The following ZNF121 variants were observed in gnomAD, a reference collection of about 807,000 sequenced individuals.
ZNF121 encodes the protein zinc finger protein 121 (clone ZHC32).
ZNF121 carries 1 observed loss-of-function variant against 2.4 expected under a neutral mutation model. That is an observed-to-expected ratio of 0.41 (90% CI 0.15 to 1.94). The LOEUF (loss-of-function observed/expected upper bound fraction) is 1.94, where lower values mean the gene tolerates loss of function less well. Among genes scored for constraint, ZNF121 ranks in the 30% most tolerant of loss-of-function variants. ZNF121 has a pLI of 0.30. For synonymous variants in ZNF121, 173 were observed against 158.6 expected (o/e 1.09, Z -0.68); for missense variants, 369 against 466.3 (o/e 0.79, Z 1.92).
intron 1 of ZNF121, among the ~76,000 whole-genome samples, chr19:9,580,556 A>C (rs1351898737): frequency 1.3e-5 from 2 of 152,026 alleles, no homozygotes; most frequent in African/African-American, 4.8e-5. Flanking sequence ...TAGAGCTACC[A>C]CCCGTAAACC....
rs2074130932 is a variant in ZNF121, at chr19:9,566,248, A to C, written c.865T>G (p.Cys289Gly). Residue 289 changes from cysteine to glycine, a missense_variant, in exon 4 of 4, where the codon TGT becomes GGT. By Grantham distance (159) the Cys-to-Gly change is radical (BLOSUM62 -3). This residue lies in a region of ZNF121 where 127 missense variants were observed against 169.9 expected (regional missense o/e 0.75). Coordinates refer to ENST00000320451, the MANE Select transcript of ZNF121 (RefSeq NM_001008727.5). ...TGIKPYKCKE[C>G]GKAFTVSSSL... Reference sequence around the variant, plus strand: ...GAGGAAACAGTGAATGCTTTCCCACACTCCTTACATTTATAGGGTTTTATT... The same window carrying C: ...GAGGAAACAGTGAATGCTTTCCCACCCTCCTTACATTTATAGGGTTTTATT... 2 of 1,614,064 alleles carry C rather than the reference A, an allele frequency of 1.2e-6. No individual in the cohort carries two copies. Among genetic ancestry groups the C allele is most frequent in the Non-Finnish European group, 1.7e-6 (2 of 1,180,000 alleles).
At position 9,566,306 on chromosome 19, in the gene ZNF121, T is replaced by A; in HGVS notation, c.807A>T (p.Ser269=). The A allele has an allele frequency of 6.2e-7, 1 of 1,613,998 alleles. No homozygotes were observed. The highest frequency in any genetic ancestry group is 1.1e-5 in the South Asian group (1 of 91,034). ...KVCGKSFRSS[S]CLKNHFRIHT... ...GAATTCTAAAGTGATTCTTAAGGCA[T>A]GAAGAGCTTCTGAAGGATTTTCCAC... Residue 269 remains serine (S), a synonymous_variant, in exon 4 of 4, where the codon TCA becomes TCT. Coordinates refer to ENST00000320451, the MANE Select transcript of ZNF121 (RefSeq NM_001008727.5).
At chr19:9,574,544 A>C (rs1354155635) in intron 1 of ZNF121, among the ~76,000 whole-genome samples, 2 of 152,210 alleles carry the variant, frequency 1.3e-5, no homozygotes, top group African/African-American at 4.8e-5. Flanking sequence ...AGACAGGTTC[A>C]TTTATAACCT....
At chr19:9,575,415 T>A (rs553555314) in intron 1 of ZNF121, among the ~76,000 whole-genome samples, 118 of 151,122 alleles carry the variant, frequency 7.8e-4, no homozygotes, top group African/African-American at 2.7e-3. Context: ...AGAGCAAGAT[T>A]TCATTTCAAA....
intron 1 of ZNF121, among the ~76,000 whole-genome samples, chr19:9,573,851 T>A (rs2074190981): frequency 6.6e-6 from 1 of 152,078 alleles, no homozygotes; most frequent in Non-Finnish European, 1.5e-5. Context: ...GGATGACATT[T>A]TCTTTCTTTT....
rs1262603665 is a variant in ZNF121, at chr19:9,562,065, C to T, written c.*3875G>A. The stretch of plus-strand genomic sequence containing the variant: ...GAATAAATCTATAACACCATTTTTT[C>T]CAACAGCATGTGCTTACTTTGTCTC... On this transcript the variant is annotated 3_prime_UTR_variant, in exon 4 of 4. Transcript: ENST00000320451. The T allele has an allele frequency of 6.6e-6, 1 of 151,950 alleles. No individual in the cohort carries two copies. Among genetic ancestry groups the T allele is most frequent in the Non-Finnish European group, 1.5e-5 (1 of 68,008 alleles). 9.4% of individuals were successfully genotyped at this position (151,950 alleles called of 1,614,324 possible).
chr19:9,580,894 G>A (rs764019903), intron 1 of ZNF121, among the ~76,000 whole-genome samples: 5 of 152,164 alleles, frequency 3.3e-5, no homozygotes, highest in Non-Finnish European at 4.4e-5. Context: ...ACTACCATGC[G>A]ATAGAGAATG....
chr19:9,576,275 C>T (rs918132836), intron 1 of ZNF121, among the ~76,000 whole-genome samples: 1 of 151,764 alleles, frequency 6.6e-6, no homozygotes, highest in Admixed American at 6.6e-5. Context: ...GGGGAGACTG[C>T]TTGCACCCAG....
At chr19:9,568,457 C>A (rs1007757296) in intron 2 of ZNF121, among the ~76,000 whole-genome samples, 1 of 151,788 alleles carries the variant, frequency 6.6e-6, no homozygotes, top group Middle Eastern at 3.2e-3. Flanking sequence ...CTCACTGCAA[C>A]CTCCACCTCC....
rs943686476 is a variant in ZNF121 at position 9,563,899 on chromosome 19, T to C, written c.*2041A>G. The C allele has an allele frequency of 6.6e-6, 1 of 152,358 alleles. No individual in the cohort carries two copies. The highest frequency in any genetic ancestry group is 6.5e-5 in the Admixed American group (1 of 15,298). The allele number at this position is 152,358 out of a possible 1,614,324, so 9.4% of individuals were successfully genotyped here. A position where few individuals can be genotyped will look rare whatever the true frequency, so the allele number is the denominator to read the frequency against. Reference sequence around the variant, plus strand: ...GGTTTACTGAATATTTTAAGCCCACTGTAAAACATACTGTTCAGAGATTCC... The same window carrying C: ...GGTTTACTGAATATTTTAAGCCCACCGTAAAACATACTGTTCAGAGATTCC... On this transcript the variant is annotated 3_prime_UTR_variant, in exon 4 of 4. Transcript: ENST00000320451.
chr19:9,582,887 A>G (rs527794584), intron 1 of ZNF121, among the ~76,000 whole-genome samples: 15 of 59,904 alleles, frequency 2.5e-4, no homozygotes, highest in Admixed American at 8.4e-4. Context: ...ATACTACTTT[A>G]TTACACTAAT....
Position 9,567,823 on chromosome 19 carries a change from T to C in ZNF121, c.3+272A>G. 6.1e-6 allele frequency: 2 copies of C among 328,228 alleles called. 1 individual carries two copies. The highest frequency in any genetic ancestry group is 9.8e-5 in the South Asian group (2 of 20,348). The allele number at this position is 328,228 out of a possible 1,614,324, so 20.3% of individuals were successfully genotyped here. A position where few individuals can be genotyped will look rare whatever the true frequency, so the allele number is the denominator to read the frequency against. On this transcript the variant is annotated intron_variant, in intron 3 of 3. Coordinates refer to ENST00000320451, the MANE Select transcript of ZNF121 (RefSeq NM_001008727.5). ...TTCTATGACAATCGAATGCTGCTAC[T>C]GACAGGTGGAGTATATGACAGGCAG...
chr19:9,579,350 C>T (rs2074233303), intron 1 of ZNF121, among the ~76,000 whole-genome samples: 1 of 152,134 alleles, frequency 6.6e-6, no homozygotes, highest in African/African-American at 2.4e-5. Flanking sequence ...AAGTTCGAGC[C>T]AGCCTGGACA....
Position 9,565,353 on chromosome 19 carries a change from CAAAAAAAAAAAAAAA to C in ZNF121, c.*572_*586del, listed in dbSNP as rs71185609. On this transcript the variant is annotated 3_prime_UTR_variant, in exon 4 of 4. Coordinates refer to ENST00000320451, the MANE Select transcript of ZNF121 (RefSeq NM_001008727.5). Reference sequence around the variant, plus strand: ...AAGAATGTGTATTAACAACGACTTACAAAAAAAAAAAAAAAAAAAAAAAAAAAAAAAAAAGGCCAG... The same window carrying C: ...AAGAATGTGTATTAACAACGACTTACAAAAAAAAAAAAAAAAAAAGGCCAG... The C allele has an allele frequency of 6.4e-4, 19 of 29,814 alleles. No homozygotes were observed. Among genetic ancestry groups the C allele is most frequent in the East Asian group, 1.4e-3 (1 of 702 alleles). 1.8% of individuals were successfully genotyped at this position (29,814 alleles called of 1,614,324 possible).
intron 1 of ZNF121, among the ~76,000 whole-genome samples, chr19:9,577,392 G>A (rs73494972): frequency 0.21 from 31,774 of 151,866 alleles, 4,364 homozygotes; most frequent in African/African-American, 0.39. Context: ...GGAGGTTGCC[G>A]TGAGCCAAGA....
chr19:9,574,893 G>C (rs1010554084), intron 1 of ZNF121, among the ~76,000 whole-genome samples: 1 of 152,024 alleles, frequency 6.6e-6, no homozygotes, highest in Non-Finnish European at 1.5e-5. Context: ...AATAAGTTTT[G>C]CTTCTAAAAA....
Position 9,566,651 on chromosome 19 carries a change from T to C in ZNF121, c.462A>G (p.Arg154=), listed in dbSNP as rs756717311. 6 of 1,614,184 alleles carry C rather than the reference T, an allele frequency of 3.7e-6. No individual in the cohort carries two copies. Among genetic ancestry groups the C allele is most frequent in the South Asian group, 1.1e-5 (1 of 91,076 alleles). ...TGTGACTATTAAGATATGAAGAATA[T>C]CTAAAGAATTTTCCACATTCCTTAC... ...YECKECGKFF[R]YSSYLNSHMR... Residue 154 remains arginine, a synonymous_variant, in exon 4 of 4, where the codon AGA becomes AGG. Coordinates refer to ENST00000320451, the MANE Select transcript of ZNF121 (RefSeq NM_001008727.5).
chr19:9,580,152 C>G (rs1053399429), intron 1 of ZNF121, among the ~76,000 whole-genome samples: 4 of 151,796 alleles, frequency 2.6e-5, no homozygotes, highest in Non-Finnish European at 5.9e-5. Context: ...ATTAGCCGGG[C>G]GTGTTGGCGG....
intron 1 of ZNF121, among the ~76,000 whole-genome samples, chr19:9,573,970 C>T (rs2074191750): frequency 6.6e-6 from 1 of 152,008 alleles, no homozygotes; most frequent in Admixed American, 6.6e-5. Context: ...CATCAGCCTC[C>T]CAAGTAACTG....
Sources: allele counts gnomAD v4.1 joint callset (sites outside exome capture counted in the v4.1 genomes callset), GRCh38; gene constraint gnomAD v4.1.1; regional missense constraint gnomAD v4.1.1; transcripts MANE v1.5; gene names NCBI Gene and HGNC (gene_info 2026-07-23, HGNC 2026-07-21).